HDAC4: variants seen among roughly 807,000 people sequenced by gnomAD.
The protein encoded by HDAC4 is histone deacetylase 4, also known as histone deacetylase A.
A neutral mutation model predicts 135.1 loss-of-function variants in HDAC4; 16 were observed. The observed-to-expected ratio is 0.12, with a 90% CI of 0.08 to 0.18. HDAC4 has a LOEUF of 0.18. Ranked by LOEUF, HDAC4 falls within the 10% of genes least tolerant of loss-of-function variation. HDAC4 has a pLI of 1.00. For synonymous variants in HDAC4, 685 were observed against 653.4 expected (o/e 1.05, Z -0.74); for missense variants, 1,143 against 1,511.8 (o/e 0.76, Z 4.05).
chr2:239,376,987 T>C (rs924295254), intron 1 of HDAC4, among the ~76,000 whole-genome samples: 1 of 152,168 alleles, frequency 6.6e-6, no homozygotes, highest in African/African-American at 2.4e-5. Context: ...CTCCTGGACA[T>C]AGACCACTTC....
At chr2:239,062,636 G>A (rs2032925795) in intron 24 of HDAC4, among the ~76,000 whole-genome samples, 1 of 152,242 alleles carries the variant, frequency 6.6e-6, no homozygotes, top group Non-Finnish European at 1.5e-5. Flanking sequence ...CTTCGGGATG[G>A]TAGAATATAT....
At chr2:239,118,512 C>T (rs1348496851) in intron 12 of HDAC4, among the ~76,000 whole-genome samples, 2 of 152,196 alleles carry the variant, frequency 1.3e-5, no homozygotes, top group East Asian at 1.9e-4. Flanking sequence ...GGAACAGGAA[C>T]GTGCTGTCCA....
At chr2:239,156,987 G>C (rs895009774) in intron 6 of HDAC4, among the ~76,000 whole-genome samples, 1 of 152,170 alleles carries the variant, frequency 6.6e-6, no homozygotes, top group Non-Finnish European at 1.5e-5. Flanking sequence ...CCTCCTCTGC[G>C]GGACCAGCAG....
chr2:239,271,425 C>T (rs868092518), intron 2 of HDAC4, among the ~76,000 whole-genome samples: 4 of 152,200 alleles, frequency 2.6e-5, no homozygotes, highest in Admixed American at 6.5e-5. Flanking sequence ...TGTGCTCGGT[C>T]GGCTTAGTGT....
chr2:239,333,320 T>C (rs1417550618), intron 2 of HDAC4, among the ~76,000 whole-genome samples: 1 of 152,096 alleles, frequency 6.6e-6, no homozygotes, highest in Non-Finnish European at 1.5e-5. Flanking sequence ...ATAGAGACCA[T>C]ATGTGGTCCA....
At chr2:239,334,533 T>C (rs181585106) in intron 2 of HDAC4, among the ~76,000 whole-genome samples, 979 of 86,736 alleles carry the variant, frequency 0.011, 4 homozygotes, top group Non-Finnish European at 0.017. Context: ...AACAAACAAA[T>C]AAAAAAAAAC....
chr2:239,120,344 TACAGATACATACACAC>T (rs202006127), intron 12 of HDAC4, among the ~76,000 whole-genome samples: 1 of 151,316 alleles, frequency 6.6e-6, no homozygotes, highest in African/African-American at 2.4e-5. Context: ...GAGGCTCACA[TACAGATACATACACAC>T]ACAGATACAT....
intron 13 of HDAC4, among the ~76,000 whole-genome samples, chr2:239,111,997 A>C (rs906207894): frequency 3.9e-5 from 6 of 152,148 alleles, no homozygotes; most frequent in African/African-American, 1.4e-4. Flanking sequence ...GGTTACGTTA[A>C]CAGGATAACA....
rs1390791024 is a variant in HDAC4 at position 239,309,838 on chromosome 2, TGCCAGCAGGGAG to T, written c.22+42828_22+42839del. Among the ~76,000 whole-genome samples, 2 of 152,214 alleles carry T rather than the reference TGCCAGCAGGGAG, an allele frequency of 1.3e-5. No individual in the cohort carries two copies. Among genetic ancestry groups the T allele is most frequent in the Non-Finnish European group, 1.5e-5 (1 of 68,034 alleles). On this transcript the variant is annotated intron_variant, in intron 2 of 26. Coordinates refer to ENST00000543185, the MANE Select transcript of HDAC4 (RefSeq NM_001378414.1). The surrounding 1 kb of genome is among the most constrained non-coding windows in gnomAD (Gnocchi z 4.2). ...CACACTCAGACCATGGATGTGGCCG[TGCCAGCAGGGAG>T]GCCAGCAGCCCCTAGCAGAAGGGTG...
intron 1 of HDAC4, among the ~76,000 whole-genome samples, chr2:239,360,196 T>G (rs866253800): frequency 4.6e-5 from 7 of 152,126 alleles, no homozygotes; most frequent in Admixed American, 3.3e-4. Context: ...CAGGACACCC[T>G]GACAGGCAGC....
intron 24 of HDAC4, among the ~76,000 whole-genome samples, chr2:239,060,918 A>C (rs1404345675): frequency 6.6e-6 from 1 of 152,048 alleles, no homozygotes; most frequent in Non-Finnish European, 1.5e-5. Flanking sequence ...CCCAGGTAAC[A>C]GGGCCCAGAG....
At chr2:239,196,649 C>T (rs749468002) in intron 3 of HDAC4, among the ~76,000 whole-genome samples, 17 of 152,178 alleles carry the variant, frequency 1.1e-4, no homozygotes, top group African/African-American at 3.9e-4. Flanking sequence ...AAGTACACCC[C>T]GTCTAACATC....
chr2:239,380,165 C>A (rs1047980263), intron 1 of HDAC4, among the ~76,000 whole-genome samples: 3 of 152,242 alleles, frequency 2.0e-5, no homozygotes, highest in Non-Finnish European at 2.9e-5. Context: ...ACAGCACAAT[C>A]AGTTCTGGAG....
chr2:239,055,816 A>T (rs1304566274), intron 24 of HDAC4, among the ~76,000 whole-genome samples: 4 of 152,246 alleles, frequency 2.6e-5, no homozygotes, highest in African/African-American at 9.6e-5. Flanking sequence ...AACCAGGGGA[A>T]ACCTGCTGGG....
At chr2:239,067,383 C>T (rs574756617) in intron 23 of HDAC4, among the ~76,000 whole-genome samples, 2 of 152,172 alleles carry the variant, frequency 1.3e-5, no homozygotes, top group African/African-American at 4.8e-5. Flanking sequence ...AGGGTAATCA[C>T]CACCCTCAGC....
chr2:239,095,421 C>T (rs1174628121), intron 16 of HDAC4, among the ~76,000 whole-genome samples: 1 of 152,184 alleles, frequency 6.6e-6, no homozygotes, highest in Non-Finnish European at 1.5e-5. Context: ...ACAGCAAATC[C>T]TGCTCCAGGA....
At chr2:239,202,743 C>T (rs895208151) in intron 3 of HDAC4, among the ~76,000 whole-genome samples, 1 of 152,156 alleles carries the variant, frequency 6.6e-6, no homozygotes, top group Admixed American at 6.5e-5. Flanking sequence ...ACCCCCTGAC[C>T]TCATGAGCTC....
intron 2 of HDAC4, among the ~76,000 whole-genome samples, chr2:239,264,589 G>A (rs186370720): frequency 6.6e-5 from 10 of 152,344 alleles, no homozygotes; most frequent in South Asian, 2.1e-4. Flanking sequence ...GTGGCCAACA[G>A]GGTGCTTTGA....
intron 1 of HDAC4, among the ~76,000 whole-genome samples, chr2:239,373,392 C>T (rs1286255246): frequency 1.3e-5 from 2 of 152,222 alleles, no homozygotes; most frequent in African/African-American, 4.8e-5. Flanking sequence ...CCTGGTCACA[C>T]TGAGCGTTCA....
Sources: gnomAD v4.1 joint callset for allele counts (sites outside exome capture counted in the v4.1 genomes callset) on GRCh38, gnomAD v4.1.1 for gene constraint, Gnocchi (gnomAD v3.1) non-coding constraint, MANE v1.5 for transcripts, NCBI Gene and HGNC (gene_info 2026-07-23, HGNC 2026-07-21) for gene names.